Variants in KIF1C observed in about 807,000 individuals in gnomAD.
KIF1C encodes the protein kinesin-like protein KIF1C.
KIF1C carries 61 observed loss-of-function variants against 126.5 expected under a neutral mutation model. The ratio of observed to expected loss-of-function variants is 0.48; its 90% CI spans 0.39 to 0.60. KIF1C has a LOEUF of 0.60. Ranked by LOEUF, KIF1C falls within the 20% of genes least tolerant of loss-of-function variation. The pLI, the probability that KIF1C is intolerant of heterozygous loss-of-function variation, is 0.00. For synonymous variants in KIF1C, 640 were observed against 580.6 expected (o/e 1.10, Z -1.47); for missense variants, 1,315 against 1,489.2 (o/e 0.88, Z 1.93).
At chr17:5,015,471 C>T (rs866278458) in intron 18 of KIF1C, among the ~76,000 whole-genome samples, 6 of 150,762 alleles carry the variant, frequency 4.0e-5, no homozygotes, top group African/African-American at 7.3e-5. Flanking sequence ...TTAGTAGAGA[C>T]GGGGTTTCTC....
chr17:5,017,026 T>C (rs939314176), intron 18 of KIF1C, among the ~76,000 whole-genome samples: 5 of 152,078 alleles, frequency 3.3e-5, no homozygotes, highest in African/African-American at 1.2e-4. Flanking sequence ...GCATTTTGGG[T>C]TGAAAGCTGT....
At chr17:5,014,948 A>G in intron 18 of KIF1C, 111 bp downstream of exon 18, 1 of 844,612 alleles carries the variant, frequency 1.2e-6, no homozygotes, top group South Asian at 1.6e-5. Flanking sequence ...AGCCATATAA[A>G]GAGGGGATGT....
rs1975099216 is a variant in KIF1C, at chr17:5,021,981, C to T, written c.2011-111C>T. 3.2e-6 allele frequency: 4 copies of T among 1,267,154 alleles called. No individual in the cohort carries two copies. The South Asian group carries it at 4.3e-5, about 14-fold the overall frequency. The allele number at this position is 1,267,154 out of a possible 1,614,324, so 78.5% of individuals were successfully genotyped here. A position where few individuals can be genotyped will look rare whatever the true frequency, so the allele number is the denominator to read the frequency against. On this transcript the variant is annotated intron_variant, in intron 21 of 22. Coordinates refer to ENST00000320785, the MANE Select transcript of KIF1C (RefSeq NM_006612.6). ...CTGTTGGGGTGGAGCAGGACTTGAA[C>T]CCAGGCTCCCTGATGGGCGTGTTTC...
At chr17:5,007,641 C>T in intron 16 of KIF1C, 99 bp downstream of exon 16, 1 of 913,598 alleles carries the variant, frequency 1.1e-6, no homozygotes, top group South Asian at 2.1e-5. Context: ...TGATCGCTCC[C>T]TTTGAGGTCC....
chr17:5,022,053 T>C lies in KIF1C; in HGVS notation c.2011-39T>C, dbSNP rs759317240. ...GGCCAAGACACATGGGCTCTGGATGTCCTTAGCCCTCTCTTCCTCTTTCTT... is the reference window on the plus strand; with the variant it reads ...GGCCAAGACACATGGGCTCTGGATGCCCTTAGCCCTCTCTTCCTCTTTCTT... On this transcript the variant is annotated intron_variant, in intron 21 of 22. Transcript: ENST00000320785. The surrounding 1 kb of genome is among the most constrained non-coding windows in gnomAD (Gnocchi z 4.9). The C allele has an allele frequency of 7.7e-6, 12 of 1,552,122 alleles. 1 individual carries two copies. The highest frequency in any genetic ancestry group is 7.3e-5 in the South Asian group (6 of 82,410).
At chr17:5,018,507 T>C (rs955469159) in intron 18 of KIF1C, among the ~76,000 whole-genome samples, 2 of 151,698 alleles carry the variant, frequency 1.3e-5, no homozygotes, top group African/African-American at 4.8e-5. Flanking sequence ...CTGACCAACA[T>C]GGAGAAACCC....
chr17:5,005,253 C>T (rs555195353), intron 13 of KIF1C, among the ~76,000 whole-genome samples: 50 of 152,320 alleles, frequency 3.3e-4, no homozygotes, highest in African/African-American at 1.1e-3. Flanking sequence ...AATGAAATGA[C>T]TGTTACAGGA....
rs189534858 is a variant in KIF1C, at chr17:5,010,714, T to C, written c.1492-2939T>C. On this transcript the variant is annotated intron_variant, in intron 16 of 22. Transcript: ENST00000320785. ...GTGAGCCGAGATCATGCCACTGCAC[T>C]CCAGCCCAGGTGACAGAGCGAGACT... Among the ~76,000 whole-genome samples the C allele has an allele frequency of 2.6e-3, 391 of 150,980 alleles. 2 individuals are homozygous for C. Among genetic ancestry groups the C allele is most frequent in the African/African-American group, 8.7e-3 (356 of 41,102 alleles).
rs1215439824 is a variant in KIF1C at position 5,026,419 on chromosome 17, CT to C, written c.*2270del. ...AGACGGATTATTTTTCCCTAAAGACCTTGACTTATGTAAATGTATATTATCC... is the reference window on the plus strand; with the variant it reads ...AGACGGATTATTTTTCCCTAAAGACCTGACTTATGTAAATGTATATTATCC... On this transcript the variant is annotated 3_prime_UTR_variant, in exon 23 of 23. Coordinates refer to ENST00000320785, the MANE Select transcript of KIF1C (RefSeq NM_006612.6). 2 of 152,038 alleles carry C rather than the reference CT, an allele frequency of 1.3e-5. No individual in the cohort carries two copies. Among genetic ancestry groups the C allele is most frequent in the African/African-American group, 2.4e-5 (1 of 41,384 alleles). The allele number at this position is 152,038 out of a possible 1,614,324, so 9.4% of individuals were successfully genotyped here.
In KIF1C at chr17:5,002,490, G is replaced by A. The variant is rs1974620552; in HGVS notation, c.456G>A (p.Glu152=). 1.2e-6 allele frequency: 2 copies of A among 1,608,828 alleles called. No individual in the cohort carries two copies. Among genetic ancestry groups the A allele is most frequent in the Non-Finnish European group, 1.7e-6 (2 of 1,176,208 alleles). Reference sequence around the variant, plus strand: ...TGAGCTATATGGAGATCTACTGTGAGCGGGTACGAGACCTCTTGAACCCCA... The same window carrying A: ...TGAGCTATATGGAGATCTACTGTGAACGGGTACGAGACCTCTTGAACCCCA... ...VEVSYMEIYC[E]RVRDLLNPKS... is the part of the protein sequence containing the mutation. The change falls in exon 7 of 23, where the codon GAG becomes GAA. Residue 152 remains glutamate, a synonymous_variant. Transcript: ENST00000320785.
At chr17:5,003,062 A>G (rs1974641574) in intron 8 of KIF1C, among the ~76,000 whole-genome samples, 1 of 146,396 alleles carries the variant, frequency 6.8e-6, no homozygotes, top group African/African-American at 2.6e-5. Context: ...TTTAAGACAG[A>G]GTCTTGCTCT....
intron 4 of KIF1C, 132 bp downstream of exon 4, chr17:5,000,980 G>C: frequency 9.8e-7 from 1 of 1,017,814 alleles, no homozygotes; most frequent in Non-Finnish European, 1.5e-6. Context: ...TCCTGGGTGG[G>C]GGTGGTAGGA....
At position 5,002,625 on chromosome 17, in the gene KIF1C, C is replaced by T. The variant is rs144378070; in HGVS notation, c.591C>T (p.Asp197=). ...TSYADIADLM[D]CGNKARTVAA... The stretch of plus-strand genomic sequence containing the variant: ...ACGCAGACATTGCTGACCTCATGGA[C>T]TGTGGAAATAAAGCACGGTGAGGCA... The change falls in exon 7 of 23, where the codon GAC becomes GAT. Residue 197 remains aspartate (D), a synonymous_variant. Coordinates refer to ENST00000320785, the MANE Select transcript of KIF1C (RefSeq NM_006612.6). The T allele has an allele frequency of 3.1e-6, 5 of 1,612,430 alleles. No homozygotes were observed. In the African/African-American group the frequency reaches 5.3e-5, roughly 17 times the overall value.
chr17:5,000,179 G>A, intron 2 of KIF1C, 41 bp from the exon 3 acceptor site: 1 of 1,144,644 alleles, frequency 8.7e-7, no homozygotes, highest in Non-Finnish European at 1.3e-6. Flanking sequence ...CTGGGTCCCT[G>A]CAGTGGTTCT....
chr17:5,000,146 G>C, intron 2 of KIF1C, 74 bp from the exon 3 acceptor site: 1 of 803,548 alleles, frequency 1.2e-6, no homozygotes, highest in Non-Finnish European at 2.1e-6. Context: ...GACTGGTTCC[G>C]GGAAGAAGCT....
In KIF1C at chr17:5,000,864, G is replaced by T. The variant is rs750252245; in HGVS notation, c.183+16G>T. ...ACACACTTCGGTGGGTTGTTGGGCT[G>T]GGGGAAGAGCAAGGCAGTGAGAGAC... On this transcript the variant is annotated intron_variant, in intron 4 of 22. Coordinates refer to ENST00000320785, the MANE Select transcript of KIF1C (RefSeq NM_006612.6). 3 of 1,611,274 alleles carry T rather than the reference G, an allele frequency of 1.9e-6. No individual in the cohort carries two copies. The highest frequency in any genetic ancestry group is 2.5e-6 in the Non-Finnish European group (3 of 1,177,556).
At chr17:5,002,267 G>A (rs929802888) in intron 6 of KIF1C, 143 bp downstream of exon 6, 22 of 969,722 alleles carry the variant, frequency 2.3e-5, no homozygotes, top group Non-Finnish European at 3.1e-5. Flanking sequence ...CTTCAGCTTC[G>A]TATGTTCATC....
In KIF1C at chr17:5,024,018, C is replaced by A. The variant is rs1454815005; in HGVS notation, c.3179C>A (p.Ser1060Tyr). 4 of 1,601,328 alleles carry A rather than the reference C, an allele frequency of 2.5e-6. No homozygotes were observed. In the Admixed American group the frequency reaches 5.1e-5, roughly 21 times the overall value. ...CACTTCCAGCCCAAAAAGCACAACT[C>A]TTATCCCCAGCCACCCCAACCCTAC... is the stretch of plus-strand genomic sequence containing the variant. ...PQHFQPKKHNSYPQPPQPYPA... is the reference protein window; with the variant it reads ...PQHFQPKKHNYYPQPPQPYPA... The change falls in exon 23 of 23, where the codon TCT becomes TAT. Residue 1060 changes from serine (S) to tyrosine (Y), a missense_variant. Coordinates refer to ENST00000320785, the MANE Select transcript of KIF1C (RefSeq NM_006612.6).
At chr17:5,011,888 C>T (rs777943071) in intron 16 of KIF1C, 3 of 152,326 alleles carry the variant, frequency 2.0e-5, no homozygotes, top group Admixed American at 2.0e-4. Flanking sequence ...CCACGCCCTC[C>T]TTGTCCTCAA....
Sources: gnomAD v4.1 joint callset for allele counts (sites outside exome capture counted in the v4.1 genomes callset) on GRCh38, gnomAD v4.1.1 for gene constraint, Gnocchi (gnomAD v3.1) non-coding constraint, MANE v1.5 for transcripts, NCBI Gene and HGNC (gene_info 2026-07-23, HGNC 2026-07-21) for gene names.